Variants in ZNF766 observed in about 807,000 individuals in gnomAD.
ZNF766 encodes zinc finger protein 766.
A neutral mutation model predicts 13.2 loss-of-function variants in ZNF766; 13 were observed. The observed-to-expected ratio is 0.98, with a 90% CI of 0.64 to 1.56. The LOEUF (loss-of-function observed/expected upper bound fraction) is 1.56, where lower values mean the gene tolerates loss of function less well. Among genes scored for constraint, ZNF766 ranks in the 40% most tolerant of loss-of-function variants. The pLI is 0.00. For synonymous variants in ZNF766, 178 were observed against 187.6 expected (o/e 0.95, Z 0.42); for missense variants, 521 against 552.2 (o/e 0.94, Z 0.57).
intron 3 of ZNF766, among the ~76,000 whole-genome samples, chr19:52,289,090 T>G (rs964557526): frequency 8.6e-5 from 13 of 151,664 alleles, no homozygotes; most frequent in African/African-American, 3.2e-4. Flanking sequence ...GCTCCTCACC[T>G]CATGATCCAC....
intron 3 of ZNF766, among the ~76,000 whole-genome samples, chr19:52,285,974 T>C (rs570406255): frequency 6.6e-6 from 1 of 152,074 alleles, no homozygotes; most frequent in Non-Finnish European, 1.5e-5. Context: ...CAGAGGAGCC[T>C]GGAACGTGTC....
At chr19:52,280,038 C>T (rs866881770) in intron 1 of ZNF766, among the ~76,000 whole-genome samples, 6 of 152,032 alleles carry the variant, frequency 3.9e-5, no homozygotes, top group South Asian at 2.1e-4. Context: ...TCAGGTGATC[C>T]GCCCGCCTCA....
Position 52,291,029 on chromosome 19 carries a change from G to A in ZNF766, c.1238G>A (p.Cys413Tyr), listed in dbSNP as rs753120083. Reference protein sequence around the residue: ...KIHTGEKPYKCNECGKVFTQN... With the variant: ...KIHTGEKPYKYNECGKVFTQN... Reference sequence around the variant, plus strand: ...CACACTGGAGAGAAACCTTACAAATGTAATGAGTGTGGCAAAGTCTTCACT... The same window carrying A: ...CACACTGGAGAGAAACCTTACAAATATAATGAGTGTGGCAAAGTCTTCACT... Residue 413 changes from cysteine (C) to tyrosine (Y), a missense_variant, in exon 4 of 4, where the codon TGT becomes TAT. Physicochemically the swap from Cys to Tyr is radical, Grantham distance 194. Coordinates refer to ENST00000439461, the MANE Select transcript of ZNF766 (RefSeq NM_001010851.3). The A allele has an allele frequency of 1.2e-6, 2 of 1,614,044 alleles. No individual in the cohort carries two copies. The highest frequency in any genetic ancestry group is 2.7e-5 in the African/African-American group (2 of 74,912).
chr19:52,272,825 C>T (rs1017703204), intron 1 of ZNF766, among the ~76,000 whole-genome samples: 13 of 151,908 alleles, frequency 8.6e-5, no homozygotes, highest in African/African-American at 2.9e-4. Context: ...TTCAGTTGTC[C>T]CCTCACTTCT....
At chr19:52,287,431 A>G (rs10409356) in intron 3 of ZNF766, among the ~76,000 whole-genome samples, 40,827 of 152,058 alleles carry the variant, frequency 0.27, 6,166 homozygotes, top group African/African-American at 0.42. Flanking sequence ...GTGAGCCACT[A>G]CGCCCAGCCT....
In ZNF766 at chr19:52,290,500, C is replaced by T. The variant is rs746640811; in HGVS notation, c.709C>T (p.Arg237Cys). ...KSGLAEHWRI[R>C]TGEKPYKCKE... is the part of the protein sequence containing the mutation. ...AGGCCTCGCAGAACATTGGAGAATT[C>T]GTACAGGAGAGAAACCTTACAAATG... is the stretch of plus-strand genomic sequence containing the variant. Residue 237 changes from arginine (R) to cysteine (C), a missense_variant, in exon 4 of 4, where the codon CGT becomes TGT. Transcript: ENST00000439461. 1.5e-5 allele frequency: 25 copies of T among 1,613,902 alleles called. No homozygotes were observed. Among genetic ancestry groups the T allele is most frequent in the South Asian group, 4.4e-5 (4 of 91,078 alleles).
intron 3 of ZNF766, among the ~76,000 whole-genome samples, chr19:52,288,961 G>C (rs1981972931): frequency 6.6e-6 from 1 of 151,498 alleles, no homozygotes; most frequent in African/African-American, 2.4e-5. Context: ...TTCTTCTTCT[G>C]CCTCAGCCTC....
chr19:52,277,105 A>C (rs904053201), intron 1 of ZNF766: 154 of 1,012,050 alleles, frequency 1.5e-4, no homozygotes, highest in Non-Finnish European at 1.8e-4. Flanking sequence ...TGGCACAGGA[A>C]GAAAGTATGT....
chr19:52,273,630 G>A (rs1260723024), intron 1 of ZNF766, among the ~76,000 whole-genome samples: 1 of 152,150 alleles, frequency 6.6e-6, no homozygotes, highest in Non-Finnish European at 1.5e-5. Flanking sequence ...TCTTTGTTCT[G>A]ATATTACCTT....
Position 52,290,934 on chromosome 19 carries a change from A to G in ZNF766, c.1143A>G (p.Lys381=), listed in dbSNP as rs1266480835. ...ATCAGAGAAATCATAATGGAGAGAA[A>G]CCTTATAAATGTCATGAATGTGGCA... ...TVHQRNHNGE[K]PYKCHECGKV... The change falls in exon 4 of 4, where the codon AAA becomes AAG. Residue 381 remains lysine (K), a synonymous_variant. Transcript: ENST00000439461. 1.2e-6 allele frequency: 2 copies of G among 1,614,124 alleles called. No homozygotes were observed. Among genetic ancestry groups the G allele is most frequent in the Middle Eastern group, 3.3e-4 (2 of 6,060 alleles).
At chr19:52,288,706 T>C (rs1228959863) in intron 3 of ZNF766, among the ~76,000 whole-genome samples, 1 of 150,762 alleles carries the variant, frequency 6.6e-6, no homozygotes, top group Non-Finnish European at 1.5e-5. Flanking sequence ...TTTTTTTTTT[T>C]CATGTATGCA....
intron 3 of ZNF766, among the ~76,000 whole-genome samples, chr19:52,287,890 T>G (rs1298290298): frequency 6.6e-6 from 1 of 152,208 alleles, no homozygotes; most frequent in Non-Finnish European, 1.5e-5. Flanking sequence ...CTAGTTTAGG[T>G]AAGGCTTTGT....
intron 3 of ZNF766, among the ~76,000 whole-genome samples, chr19:52,285,448 C>T (rs1981767180): frequency 6.6e-6 from 1 of 152,214 alleles, no homozygotes; most frequent in African/African-American, 2.4e-5. Context: ...TCCACAATCC[C>T]ATCTTTGGGC....
Position 52,273,085 on chromosome 19 carries a change from C to T in ZNF766, c.18+3454C>T, listed in dbSNP as rs371729944. On this transcript the variant is annotated intron_variant, in intron 1 of 3. Transcript: ENST00000439461. ...GTGCAGTGGTGTGATCTTGGCTCAC[C>T]ATAACCTCTGCCTCCCGGGTTCAAG... Among the ~76,000 whole-genome samples the T allele has an allele frequency of 3.0e-3, 449 of 152,006 alleles. 1 individual carries two copies. The highest frequency in any genetic ancestry group is 0.01 in the African/African-American group (435 of 41,450).
intron 1 of ZNF766, among the ~76,000 whole-genome samples, chr19:52,270,334 G>A (rs2560876): frequency 0.15 from 23,092 of 152,096 alleles, 2,041 homozygotes; most frequent in African/African-American, 0.23. Flanking sequence ...ATAACAAGAC[G>A]GCAACGCAGA....
rs35415890 is a variant in ZNF766, at chr19:52,295,187, G to GT, written c.*4000dup. The GT allele has an allele frequency of 0.19, 27,893 of 143,142 alleles. 2,770 individuals carry two copies. The highest frequency in any genetic ancestry group is 0.26 in the African/African-American group (10,210 of 39,174). 8.9% of individuals were successfully genotyped at this position (143,142 alleles called of 1,614,324 possible). On this transcript the variant is annotated 3_prime_UTR_variant, in exon 4 of 4. Transcript: ENST00000439461. Reference sequence around the variant, plus strand: ...TTGCATCCAGATGCTATGCTTGTTTGTTTTTTTTTTTGAGACAGAGTCTTG... The same window carrying GT: ...TTGCATCCAGATGCTATGCTTGTTTGTTTTTTTTTTTTGAGACAGAGTCTTG...
chr19:52,286,098 A>G (rs73577187), intron 3 of ZNF766, among the ~76,000 whole-genome samples: 12,518 of 151,144 alleles, frequency 0.083, 1,158 homozygotes, highest in African/African-American at 0.23. Flanking sequence ...TTTAAATGAT[A>G]TAAGACCAGA....
chr19:52,276,052 T>C (rs1288580923), intron 1 of ZNF766, among the ~76,000 whole-genome samples: 2 of 152,222 alleles, frequency 1.3e-5, no homozygotes, highest in African/African-American at 2.4e-5. Flanking sequence ...TTGACTATAG[T>C]ATTCAGGACA....
chr19:52,294,907 A>T lies in ZNF766; in HGVS notation c.*3709A>T, dbSNP rs1056951325. Reference sequence around the variant, plus strand: ...GCCTAAGATACTTTTTATAGTAGACAATGAAAATTAGTGTGTGGGTTTATA... The same window carrying T: ...GCCTAAGATACTTTTTATAGTAGACTATGAAAATTAGTGTGTGGGTTTATA... On this transcript the variant is annotated 3_prime_UTR_variant, in exon 4 of 4. Transcript: ENST00000439461. 4.6e-5 allele frequency: 7 copies of T among 151,906 alleles called. No individual in the cohort carries two copies. In the South Asian group the frequency reaches 1.5e-3, roughly 31 times the overall value. 9.4% of individuals were successfully genotyped at this position (151,906 alleles called of 1,614,324 possible). A position where few individuals can be genotyped will look rare whatever the true frequency, so the allele number is the denominator to read the frequency against.
Sources: allele counts gnomAD v4.1 joint callset (sites outside exome capture counted in the v4.1 genomes callset), GRCh38; gene constraint gnomAD v4.1.1; transcripts MANE v1.5; gene names NCBI Gene and HGNC (gene_info 2026-07-23, HGNC 2026-07-21).